HGF: variants seen among roughly 807,000 people sequenced by gnomAD.
The protein encoded by HGF is hepatocyte growth factor.
Under a neutral mutation model 111.6 loss-of-function variants are expected in HGF, and 39 were observed. The ratio of observed to expected loss-of-function variants is 0.35; its 90% CI spans 0.27 to 0.46. The LOEUF is 0.46. Among genes scored for constraint, HGF ranks in the 20% least tolerant of loss-of-function variants. The probability of loss-of-function intolerance (pLI) is 1.00; values close to 1 mark genes in which losing one functional copy is unlikely to be tolerated. For missense variants in HGF, 735 were observed against 910.5 expected (o/e 0.81, Z 2.48); for synonymous variants, 285 against 294.8 (o/e 0.97, Z 0.34).
At chr7:81,709,906 A>G (rs546754380) in intron 13 of HGF, among the ~76,000 whole-genome samples, 1 of 152,260 alleles carries the variant, frequency 6.6e-6, no homozygotes, top group Non-Finnish European at 1.5e-5. Context: ...AGAATCAGGG[A>G]CATTGCCAAC....
rs1338916319 is a variant in HGF, at chr7:81,752,164, G to A, written c.581C>T (p.Pro194Leu). ...GTCACAGACTTCGTAGCGTACCTCTGGATTGCTTGTGAAACACCAGGGTCC... is the reference window on the plus strand; with the variant it reads ...GTCACAGACTTCGTAGCGTACCTCTAGATTGCTTGTGAAACACCAGGGTCC... ...EGGPWCFTSN[P>L]EVRYEVCDIP... is the part of the protein sequence containing the mutation. The change falls in exon 5 of 18, where the codon CCA becomes CTA. Residue 194 changes from proline to leucine, a missense_variant. Coordinates refer to ENST00000222390, the MANE Select transcript of HGF (RefSeq NM_000601.6). The A allele has an allele frequency of 1.2e-6, 2 of 1,613,594 alleles. No homozygotes were observed. The highest frequency in any genetic ancestry group is 1.1e-5 in the South Asian group (1 of 91,070).
At chr7:81,746,637 A>T (rs997787663) in intron 5 of HGF, among the ~76,000 whole-genome samples, 3 of 152,096 alleles carry the variant, frequency 2.0e-5, no homozygotes, top group African/African-American at 7.2e-5. Flanking sequence ...CTTGTATAGT[A>T]CTCAGGAAAG....
chr7:81,743,039 G>T, intron 7 of HGF: 2 of 1,119,430 alleles, frequency 1.8e-6, no homozygotes, highest in Non-Finnish European at 2.7e-6. Flanking sequence ...TTGTGATGCT[G>T]CACACATTTC....
In HGF at chr7:81,729,639, C is replaced by T. The variant is rs549654942; in HGVS notation, c.1006G>A (p.Glu336Lys). Residue 336 changes from glutamate to lysine, a missense_variant, in exon 8 of 18, where the codon GAG (glutamate) becomes AAG (lysine). Glu to Lys is a moderately conservative substitution (Grantham distance 56, BLOSUM62 1). Around this residue, in one of 3 missense-constraint regions of HGF, gnomAD observed 553 missense variants for 685.6 expected, o/e 0.81. Transcript: ENST00000222390. ...AAATTTTCAGGAGTCATGTCATGCTCGTGAGGATACTGAGAATCCCAACGC... is the reference window on the plus strand; with the variant it reads ...AAATTTTCAGGAGTCATGTCATGCTTGTGAGGATACTGAGAATCCCAACGC... ...CQRWDSQYPH[E>K]HDMTPENFKC... is the part of the protein sequence containing the mutation. The T allele has an allele frequency of 8.7e-6, 14 of 1,613,842 alleles. No homozygotes were observed. The highest frequency in any genetic ancestry group is 1.6e-4 in the Middle Eastern group (1 of 6,062).
chr7:81,736,377 G>A (rs1390086564), intron 7 of HGF, among the ~76,000 whole-genome samples: 1 of 152,022 alleles, frequency 6.6e-6, no homozygotes, highest in African/African-American at 2.4e-5. Context: ...AACGGTCATA[G>A]TTTTGTAGTG....
intron 11 of HGF, among the ~76,000 whole-genome samples, chr7:81,712,014 T>C (rs1197855885): frequency 6.6e-6 from 1 of 152,156 alleles, no homozygotes; most frequent in Non-Finnish European, 1.5e-5. Flanking sequence ...ATACATCACG[T>C]TTACTGGATA....
chr7:81,740,924 C>T (rs1583968840), intron 7 of HGF, among the ~76,000 whole-genome samples: 1 of 152,248 alleles, frequency 6.6e-6, no homozygotes, highest in South Asian at 2.1e-4. Flanking sequence ...AGATAATAAA[C>T]GTGTGTTGTT....
chr7:81,716,037 T>G (rs997211410), intron 11 of HGF, among the ~76,000 whole-genome samples: 1 of 152,176 alleles, frequency 6.6e-6, no homozygotes, highest in Non-Finnish European at 1.5e-5. Context: ...CACAGCTTTA[T>G]AAAAAGGCTT....
At chr7:81,766,540 A>C (rs1039032291) in intron 1 of HGF, among the ~76,000 whole-genome samples, 3 of 152,188 alleles carry the variant, frequency 2.0e-5, no homozygotes, top group African/African-American at 7.2e-5. Context: ...CAATATCACA[A>C]ATAAAGATAC....
At chr7:81,747,432 A>G (rs1242526183) in intron 5 of HGF, among the ~76,000 whole-genome samples, 1 of 152,236 alleles carries the variant, frequency 6.6e-6, no homozygotes, top group Admixed American at 6.5e-5. Context: ...TGAGAGTTGG[A>G]TAAATTATAA....
chr7:81,719,375 CTA>C (rs1789795077), intron 10 of HGF, among the ~76,000 whole-genome samples: 2 of 152,182 alleles, frequency 1.3e-5, no homozygotes, highest in Non-Finnish European at 2.9e-5. Context: ...AGTGGGAGAT[CTA>C]TAAGGACAGA....
chr7:81,758,244 C>T (rs982661289), intron 3 of HGF, among the ~76,000 whole-genome samples: 4 of 151,804 alleles, frequency 2.6e-5, no homozygotes, highest in African/African-American at 9.7e-5. Flanking sequence ...CAACTCATTT[C>T]TCCAAAATCT....
intron 4 of HGF, chr7:81,755,415 T>C (rs1471563980): frequency 2.0e-5 from 3 of 152,164 alleles, no homozygotes; most frequent in South Asian, 2.1e-4. Context: ...AAAGGGATTT[T>C]ATTAATATAC....
Position 81,705,011 on chromosome 7 carries a change from T to G in HGF, c.2010+379A>C, listed in dbSNP as rs577907958. The stretch of plus-strand genomic sequence containing the variant: ...TTTAAAGCCAGGCATCTCTGAATGA[T>G]ATAATTAGTGGAGTTCACTTCGAGA... On this transcript the variant is annotated intron_variant, in intron 17 of 17. Coordinates refer to ENST00000222390, the MANE Select transcript of HGF (RefSeq NM_000601.6). Among the ~76,000 whole-genome samples the G allele has an allele frequency of 9.2e-5, 14 of 151,938 alleles. No individual in the cohort carries two copies. The South Asian group carries it at 2.9e-3, about 32-fold the overall frequency.
intron 17 of HGF, among the ~76,000 whole-genome samples, chr7:81,703,349 G>A (rs1385306685): frequency 1.3e-5 from 2 of 150,370 alleles, no homozygotes; most frequent in Non-Finnish European, 3.0e-5. Flanking sequence ...TTCCAGGCAA[G>A]GAATATTCCT....
chr7:81,729,669 A>G lies in HGF; in HGVS notation c.976T>C (p.Cys326Arg). The G allele has an allele frequency of 6.2e-7, 1 of 1,613,542 alleles. No homozygotes were observed. Among genetic ancestry groups the G allele is most frequent in the Non-Finnish European group, 8.5e-7 (1 of 1,179,466 alleles). The change falls in exon 8 of 18, where the codon TGT becomes CGT. Residue 326 changes from cysteine to arginine, a missense_variant. Coordinates refer to ENST00000222390, the MANE Select transcript of HGF (RefSeq NM_000601.6). Reference sequence around the variant, plus strand: ...GGATACTGAGAATCCCAACGCTGACATGGAATTCCATTCCAAATGGTATTG... The same window carrying G: ...GGATACTGAGAATCCCAACGCTGACGTGGAATTCCATTCCAAATGGTATTG... ...TVNTIWNGIPCQRWDSQYPHE... is the reference protein window; with the variant it reads ...TVNTIWNGIPRQRWDSQYPHE...
chr7:81,707,236 A>G, intron 14 of HGF, 54 bp downstream of exon 14: 1 of 925,926 alleles, frequency 1.1e-6, no homozygotes, highest in Non-Finnish European at 1.8e-6. Context: ...AGCAAAGTGG[A>G]AGACATACAC....
intron 7 of HGF, 94 bp from the exon 8 acceptor site, chr7:81,729,873 A>ATT: frequency 8.8e-7 from 1 of 1,140,414 alleles, no homozygotes; most frequent in South Asian, 1.4e-5. Flanking sequence ...GTATTAGCAG[A>ATT]TTTTTTTTTC....
Position 81,700,053 on chromosome 7 carries a change from C to T in HGF, c.*2528G>A, listed in dbSNP as rs1192371690. 1 of 151,710 alleles carries T rather than the reference C, an allele frequency of 6.6e-6. No individual in the cohort carries two copies. Among genetic ancestry groups the T allele is most frequent in the Non-Finnish European group, 1.5e-5 (1 of 67,746 alleles). 9.4% of individuals were successfully genotyped at this position (151,710 alleles called of 1,614,324 possible). The stretch of plus-strand genomic sequence containing the variant: ...CCTGGTAGACGTGAGAAAATGTCTA[C>T]AATTATAACAGTACATAACCATTAT... On this transcript the variant is annotated 3_prime_UTR_variant, in exon 18 of 18. Coordinates refer to ENST00000222390, the MANE Select transcript of HGF (RefSeq NM_000601.6).
Sources: gnomAD v4.1 joint callset for allele counts (sites outside exome capture counted in the v4.1 genomes callset) on GRCh38, gnomAD v4.1.1 for gene constraint, gnomAD v4.1.1 regional missense constraint, MANE v1.5 for transcripts, NCBI Gene and HGNC (gene_info 2026-07-23, HGNC 2026-07-21) for gene names.